The following KRT20 variants were observed in gnomAD, a reference collection of about 807,000 sequenced individuals.
KRT20 encodes keratin, type I cytoskeletal 20.
Under a neutral mutation model 43.0 loss-of-function variants are expected in KRT20, and 41 were observed. The observed-to-expected ratio is 0.95, with a 90% CI of 0.74 to 1.24. The LOEUF is 1.24. KRT20 is among the 50% of genes most tolerant of loss of function. The pLI, the probability that KRT20 is intolerant of heterozygous loss-of-function variation, is 0.00. For missense variants in KRT20, 533 were observed against 521.2 expected, an observed-to-expected ratio of 1.02 and a Z score of -0.22; for synonymous variants, 207 against 200.6, an observed-to-expected ratio of 1.03 and a Z score of -0.27.
At position 40,882,604 on chromosome 17, in the gene KRT20, A is replaced by G. The variant is rs756460229; in HGVS notation, c.441T>C (p.Asn147=). The G allele has an allele frequency of 3.8e-6, 6 of 1,573,814 alleles. No homozygotes were observed. Among genetic ancestry groups the G allele is most frequent in the Admixed American group, 3.6e-5 (2 of 56,120 alleles). The change falls in exon 2 of 8, where the codon AAT becomes AAC. Residue 147 remains asparagine (N), a synonymous_variant. Transcript: ENST00000167588. The part of the protein sequence containing the change: ...QNARCVLQID[N]AKLAAEDFRL... ...TGAAGTCCTCAGCAGCCAGTTTAGC[A>G]TTATCAATTTGCAGGACACACCGAG...
chr17:40,884,258 G>A (rs890773167), intron 1 of KRT20, among the ~76,000 whole-genome samples: 1 of 152,014 alleles, frequency 6.6e-6, no homozygotes, highest in East Asian at 1.9e-4. Flanking sequence ...TATTAAACAG[G>A]GCACTTAAAA....
intron 1 of KRT20, among the ~76,000 whole-genome samples, chr17:40,884,394 A>G (rs1371504683): frequency 1.3e-5 from 2 of 152,196 alleles, no homozygotes; most frequent in Admixed American, 6.5e-5. Flanking sequence ...AAAAGGAGAA[A>G]AGTCTTTGAA....
In KRT20 at chr17:40,879,864, C is replaced by T; in HGVS notation, c.867G>A (p.Leu289=). 3 of 1,613,448 alleles carry T rather than the reference C, an allele frequency of 1.9e-6. No individual in the cohort carries two copies. The highest frequency in any genetic ancestry group is 2.2e-5 in the East Asian group (1 of 44,874). ...LKGTEVQLTE[L]RRTSQSLEIE... The stretch of plus-strand genomic sequence containing the variant: ...TCTCAAGGCTCTGGGAGGTGCGTCT[C>T]AGCTCCGTTAGTTGAACCTCAGTTC... Residue 289 remains leucine, a synonymous_variant, in exon 5 of 8, where the codon CTG becomes CTA. Transcript: ENST00000167588.
rs1907532195 is a variant in KRT20, at chr17:40,880,141, G to A, written c.751C>T (p.Gln251Ter). The change falls in exon 4 of 8, where the codon CAG becomes TAG. Residue 251 changes from glutamine (Q) to a stop codon, truncating the protein, a stop_gained. Coordinates refer to ENST00000167588, the MANE Select transcript of KRT20 (RefSeq NM_019010.3). LOFTEE classifies it high-confidence loss of function. The part of the protein sequence containing the change: ...EMRQKYEVMA[Q>*]KNLQEAKEQF... ...TCTTTGGCCTCTTGAAGGTTCTTCT[G>A]GGCCATGACTTCATACTTCTGCCTC... 3 of 1,613,974 alleles carry A rather than the reference G, an allele frequency of 1.9e-6. No individual in the cohort carries two copies. The highest frequency in any genetic ancestry group is 1.3e-5 in the African/African-American group (1 of 74,894).
Position 40,878,335 on chromosome 17 carries a change from T to C in KRT20, c.949A>G (p.Thr317Ala). 6.2e-7 allele frequency: 1 copy of C among 1,614,140 alleles called. No individual in the cohort carries two copies. Among genetic ancestry groups the C allele is most frequent in the Non-Finnish European group, 8.5e-7 (1 of 1,180,014 alleles). ...AACTGGCTGCTGTAACGGGCCTTGG[T>C]CTCCTCTAGAGTGTGCTCCAAAGAC... is the stretch of plus-strand genomic sequence containing the variant. ...KESLEHTLEE[T>A]KARYSSQLAN... Residue 317 changes from threonine to alanine, a missense_variant, in exon 6 of 8, where the codon ACC (threonine) becomes GCC (alanine). Thr to Ala is a moderately conservative substitution (Grantham distance 58, BLOSUM62 0). Coordinates refer to ENST00000167588, the MANE Select transcript of KRT20 (RefSeq NM_019010.3).
Position 40,880,643 on chromosome 17 carries a change from G to T in KRT20, c.601C>A (p.Leu201Ile). The change falls in exon 3 of 8, where the codon CTA becomes ATA. Residue 201 changes from leucine to isoleucine, a missense_variant. By Grantham distance (5) the Leu-to-Ile change is conservative. Coordinates refer to ENST00000167588, the MANE Select transcript of KRT20 (RefSeq NM_019010.3). Reference protein sequence around the residue: ...EIQIEELNKDLALLKKEHQEE... With the variant: ...EIQIEELNKDIALLKKEHQEE... ...TGATGCTCCTTTTTGAGGAGAGCTA[G>T]GTCTTTATTCAGTTCTTCAATTTGA... The T allele has an allele frequency of 1.9e-6, 3 of 1,613,174 alleles. No individual in the cohort carries two copies. Among genetic ancestry groups the T allele is most frequent in the Non-Finnish European group, 2.5e-6 (3 of 1,179,720 alleles).
chr17:40,882,136 C>T (rs1288901363), intron 2 of KRT20, among the ~76,000 whole-genome samples: 1 of 152,212 alleles, frequency 6.6e-6, no homozygotes, highest in Non-Finnish European at 1.5e-5. Context: ...GAACTTGGGT[C>T]ATACACTTGC....
chr17:40,882,534 C>CT (rs1907642339), intron 2 of KRT20, 38 bp downstream of exon 2: 7 of 1,191,720 alleles, frequency 5.9e-6, no homozygotes, highest in Middle Eastern at 2.0e-4. Flanking sequence ...TAAAGGAATT[C>CT]TTTTTCAGAA....
At chr17:40,879,614 C>T in intron 5 of KRT20, among the ~76,000 whole-genome samples, 199 bp downstream of exon 5, 1 of 152,098 alleles carries the variant, frequency 6.6e-6, no homozygotes, top group East Asian at 1.9e-4. Flanking sequence ...TTACTCTTTC[C>T]TCTGCATTCA....
chr17:40,877,190 T>G (rs547045477), intron 7 of KRT20, among the ~76,000 whole-genome samples, 190 bp downstream of exon 7: 14 of 152,188 alleles, frequency 9.2e-5, no homozygotes, highest in Non-Finnish European at 1.8e-4. Context: ...CACCTTGATA[T>G]TGGACTTTCT....
chr17:40,877,583 C>A (rs1162655193), intron 6 of KRT20, among the ~76,000 whole-genome samples, 166 bp from the exon 7 acceptor site: 1 of 152,118 alleles, frequency 6.6e-6, no homozygotes, highest in Non-Finnish European at 1.5e-5. Context: ...CAAACTTGAG[C>A]ATTTTACTTT....
chr17:40,882,563 G>T lies in KRT20; in HGVS notation c.473+9C>A. The T allele has an allele frequency of 6.6e-7, 1 of 1,522,348 alleles. No homozygotes were observed. The highest frequency in any genetic ancestry group is 1.3e-5 in the South Asian group (1 of 78,582). 94.3% of individuals were successfully genotyped at this position (1,522,348 alleles called of 1,614,324 possible). On this transcript the variant is annotated intron_variant, in intron 2 of 7. Coordinates refer to ENST00000167588, the MANE Select transcript of KRT20 (RefSeq NM_019010.3). Reference sequence around the variant, plus strand: ...TTCAGAAACTTTTGCCACGTATTAGGGAACCTACTTCAGTCTGAAGTCCTC... The same window carrying T: ...TTCAGAAACTTTTGCCACGTATTAGTGAACCTACTTCAGTCTGAAGTCCTC...
rs764026175 is a variant in KRT20, at chr17:40,884,829, T to A, written c.357A>T (p.Ala119=). ...NAPRAGRDYS[A]YYRQIEELRS... is the part of the protein sequence containing the mutation. The stretch of plus-strand genomic sequence containing the variant: ...GCAGCTCTTCAATTTGTCTGTAATA[T>A]GCACTGTAGTCGCGACCAGCCCTCG... Residue 119 remains alanine (A), a synonymous_variant, in exon 1 of 8, where the codon GCA becomes GCT. Transcript: ENST00000167588. 45 of 1,614,086 alleles carry A rather than the reference T, an allele frequency of 2.8e-5. No homozygotes were observed. The highest frequency in any genetic ancestry group is 3.6e-5 in the Non-Finnish European group (43 of 1,180,044).
rs370088463 is a variant in KRT20 at position 40,885,030 on chromosome 17, C to T, written c.156G>A (p.Thr52=). The T allele has an allele frequency of 1.1e-4, 175 of 1,614,054 alleles. No individual in the cohort carries two copies. The highest frequency in any genetic ancestry group is 7.5e-5 in the Non-Finnish European group (89 of 1,180,038). Residue 52 remains threonine, a synonymous_variant, in exon 1 of 8, where the codon ACG becomes ACA. Coordinates refer to ENST00000167588, the MANE Select transcript of KRT20 (RefSeq NM_019010.3). ...CTGTGAGATCGCTCCCATAGTTCAC[C>T]GTGTGTCTGGAGTTGGAGATGCGGA... ...RGIRISNSRH[T]VNYGSDLTGG...
At position 40,880,519 on chromosome 17, in the gene KRT20, C is replaced by T. The variant is rs577674063; in HGVS notation, c.630+95G>A. The T allele has an allele frequency of 3.6e-4, 395 of 1,085,682 alleles. 14 individuals are homozygous for T. In the South Asian group the frequency reaches 5.6e-3, roughly 15 times the overall value. 67.3% of individuals were successfully genotyped at this position (1,085,682 alleles called of 1,614,324 possible). On this transcript the variant is annotated intron_variant, in intron 3 of 7. Coordinates refer to ENST00000167588, the MANE Select transcript of KRT20 (RefSeq NM_019010.3). ...ATCTCTGTCACTATCACCACCAACT[C>T]TTCCCCCTTCTCCTGTTTCTCCCGC...
Position 40,878,227 on chromosome 17 carries a change from A to G in KRT20, c.1057T>C (p.Tyr353His). The change falls in exon 6 of 8, where the codon TAC becomes CAC. Residue 353 changes from tyrosine to histidine, a missense_variant. By Grantham distance (83) the Tyr-to-His change is moderately conservative. Transcript: ENST00000167588. The stretch of plus-strand genomic sequence containing the variant: ...GTCTTTATGTCAAGAAGGATATGGT[A>G]TTCGTTGTTCTGGCGTTCCATGTTA... ...RSNMERQNNE[Y>H]HILLDIKTRL... 2.5e-6 allele frequency: 4 copies of G among 1,614,084 alleles called. No homozygotes were observed. The highest frequency in any genetic ancestry group is 3.4e-6 in the Non-Finnish European group (4 of 1,180,016).
chr17:40,882,634 T>C lies in KRT20; in HGVS notation c.411A>G (p.Gln137=). 1 of 1,549,758 alleles carries C rather than the reference T, an allele frequency of 6.5e-7. No homozygotes were observed. Among genetic ancestry groups the C allele is most frequent in the East Asian group, 2.4e-5 (1 of 41,790 alleles). ...LRSQIKDAQL[Q]NARCVLQIDN... is the part of the protein sequence containing the mutation. The stretch of plus-strand genomic sequence containing the variant: ...CAATTTGCAGGACACACCGAGCATT[T>C]TGCAGTTGAGCATCCTTAATCTGGA... The change falls in exon 2 of 8, where the codon CAA becomes CAG. Residue 137 remains glutamine (Q), a synonymous_variant. Transcript: ENST00000167588.
At chr17:40,880,841 T>C (rs1597852084) in intron 2 of KRT20, 71 bp from the exon 3 acceptor site, 3 of 1,223,864 alleles carry the variant, frequency 2.5e-6, no homozygotes, top group East Asian at 5.2e-5. Context: ...TCTAATATAA[T>C]GGGATAGGTT....
At position 40,879,823 on chromosome 17, in the gene KRT20, T is replaced by C. The variant is rs1335773643; in HGVS notation, c.908A>G (p.His303Arg). 2.5e-6 allele frequency: 4 copies of C among 1,613,134 alleles called. No individual in the cohort carries two copies. Among genetic ancestry groups the C allele is most frequent in the South Asian group, 1.1e-5 (1 of 90,986 alleles). The change falls in exon 5 of 8, where the codon CAT becomes CGT. Residue 303 changes from histidine (H) to arginine (R), a missense_variant. Physicochemically the swap from His to Arg is conservative, Grantham distance 29. Transcript: ENST00000167588. ...TTAGATATGCTTTACCATGCTGAGATGGGACTGGAGTTCTATCTCAAGGCT... is the reference window on the plus strand; with the variant it reads ...TTAGATATGCTTTACCATGCTGAGACGGGACTGGAGTTCTATCTCAAGGCT... ...SQSLEIELQSHLSMKESLEHT... is the reference protein window; with the variant it reads ...SQSLEIELQSRLSMKESLEHT...
Sources: allele counts gnomAD v4.1 joint callset (sites outside exome capture counted in the v4.1 genomes callset), GRCh38; gene constraint gnomAD v4.1.1; transcripts MANE v1.5; gene names NCBI Gene and HGNC (gene_info 2026-07-23, HGNC 2026-07-21).